The following UNC5B variants were observed in gnomAD, a reference collection of about 807,000 sequenced individuals.
UNC5B encodes unc-5 netrin receptor B.
UNC5B carries 56 observed loss-of-function variants against 103.7 expected under a neutral mutation model. That is an observed-to-expected ratio of 0.54 (90% CI 0.44 to 0.67). The LOEUF (loss-of-function observed/expected upper bound fraction) is 0.67, where lower values mean the gene tolerates loss of function less well. Among genes scored for constraint, UNC5B ranks in the 30% least tolerant of loss-of-function variants. The pLI is 0.00. For missense variants in UNC5B, 1,194 were observed against 1,284.5 expected, an observed-to-expected ratio of 0.93 and a Z score of 1.08; for synonymous variants, 577 against 542.0, an observed-to-expected ratio of 1.06 and a Z score of -0.90.
chr10:71,268,739 C>G (rs979240235), intron 1 of UNC5B, among the ~76,000 whole-genome samples: 7 of 152,200 alleles, frequency 4.6e-5, no homozygotes, highest in African/African-American at 1.7e-4. Flanking sequence ...TAACCCTGGG[C>G]TTTCAGGGCG....
In UNC5B at chr10:71,294,849, T is replaced by C. The variant is rs869454; in HGVS notation, c.2175+916T>C. Among the ~76,000 whole-genome samples, 474 of 152,208 alleles carry C rather than the reference T, an allele frequency of 3.1e-3. 1 individual carries two copies. Among genetic ancestry groups the C allele is most frequent in the African/African-American group, 0.011 (444 of 41,536 alleles). ...GCCCCGTGTTAGCACCACTGTCCCC[T>C]GCCAGCCTCAGAGCCCTTGTGCATT... On this transcript the variant is annotated intron_variant, in intron 13 of 16. Coordinates refer to ENST00000335350, the MANE Select transcript of UNC5B (RefSeq NM_170744.5).
intron 1 of UNC5B, among the ~76,000 whole-genome samples, chr10:71,247,372 G>T (rs1844060884): frequency 6.6e-6 from 1 of 152,202 alleles, no homozygotes; most frequent in Non-Finnish European, 1.5e-5. Context: ...ATGGCTGTAG[G>T]GAAGGCACTG....
intron 1 of UNC5B, among the ~76,000 whole-genome samples, chr10:71,257,689 T>A (rs1043302588): frequency 1.3e-5 from 2 of 152,196 alleles, no homozygotes; most frequent in Non-Finnish European, 2.9e-5. Context: ...GTTTGGAAGA[T>A]GTTTTCCATG....
chr10:71,269,349 C>CCCG lies in UNC5B; in HGVS notation c.80-10470_80-10469insGCC, dbSNP rs1391082154. On this transcript the variant is annotated intron_variant, in intron 1 of 16. Coordinates refer to ENST00000335350, the MANE Select transcript of UNC5B (RefSeq NM_170744.5). ...AAAGTTTAGAAAAATGAAGTCCCCC[C>CCCG]CCCACAACTTCTCCTTTCCTGGGAG... Among the ~76,000 whole-genome samples the CCCG allele has an allele frequency of 2.8e-5, 4 of 142,604 alleles. 1 individual carries two copies. The highest frequency in any genetic ancestry group is 2.5e-4 in the South Asian group (1 of 4,004). 93.6% of individuals were successfully genotyped at this position (142,604 alleles called of 152,430 possible).
At chr10:71,285,011 A>T (rs1320890242) in intron 3 of UNC5B, 148 bp downstream of exon 3, 1 of 1,221,848 alleles carries the variant, frequency 8.2e-7, no homozygotes, top group Non-Finnish European at 1.1e-6. Flanking sequence ...CATGGATGCC[A>T]GCTCAGAGAG....
chr10:71,298,125 C>T (rs1053211617), intron 16 of UNC5B, 35 bp downstream of exon 16: 2 of 1,554,596 alleles, frequency 1.3e-6, no homozygotes, highest in African/African-American at 2.7e-5. Flanking sequence ...TCCCCATCTG[C>T]CTTCGTCCTC....
rs1486674466 is a variant in UNC5B at position 71,299,013 on chromosome 10, G to A, written c.2673-99G>A. The A allele has an allele frequency of 6.6e-6, 10 of 1,505,468 alleles. No homozygotes were observed. In the East Asian group the frequency reaches 1.1e-4, roughly 17 times the overall value. 93.3% of individuals were successfully genotyped at this position (1,505,468 alleles called of 1,614,324 possible). ...AGACCCAGGACAGTGGGACACCAAA[G>A]CTCACAGCCTTCCCACTTCCCCTTG... On this transcript the variant is annotated intron_variant, in intron 16 of 16. Transcript: ENST00000335350.
At chr10:71,298,310 G>A (rs1272875477) in intron 16 of UNC5B, among the ~76,000 whole-genome samples, 1 of 152,202 alleles carries the variant, frequency 6.6e-6, no homozygotes, top group Non-Finnish European at 1.5e-5. Flanking sequence ...CCTTGAGCCA[G>A]GCAGACTCTC....
At chr10:71,248,324 C>T (rs144782971) in intron 1 of UNC5B, among the ~76,000 whole-genome samples, 316 of 152,256 alleles carry the variant, frequency 2.1e-3, no homozygotes, top group African/African-American at 7.3e-3. Flanking sequence ...GGAGCCTATA[C>T]GGCCAGGAGG....
intron 1 of UNC5B, among the ~76,000 whole-genome samples, chr10:71,219,959 GT>G (rs1843419571): frequency 6.6e-6 from 1 of 152,332 alleles, no homozygotes; most frequent in East Asian, 1.9e-4. Flanking sequence ...AGCTAGCTGG[GT>G]ATGTGGGCAG....
chr10:71,227,709 C>CATATATATACACATATATATACACACAT (rs1564707143), intron 1 of UNC5B, among the ~76,000 whole-genome samples: 2 of 50,684 alleles, frequency 3.9e-5, no homozygotes, highest in East Asian at 1.2e-3. Flanking sequence ...CACACATATA[C>CATATATATACACATATATATACACACAT]ACACACACAC....
In UNC5B at chr10:71,224,415, A is replaced by ACG. The variant is rs1554859608; in HGVS notation, c.79+11352_79+11353dup. On this transcript the variant is annotated intron_variant, in intron 1 of 16. Coordinates refer to ENST00000335350, the MANE Select transcript of UNC5B (RefSeq NM_170744.5). ...CACACACACACACACACACACACAC[A>ACG]CGAAATGACAGCAGAAAAAGCCCCA... Among the ~76,000 whole-genome samples the ACG allele has an allele frequency of 3.2e-3, 474 of 149,562 alleles. 3 individuals carry two copies. The highest frequency in any genetic ancestry group is 0.011 in the African/African-American group (450 of 40,184).
chr10:71,249,629 GGC>G (rs1294547383), intron 1 of UNC5B, among the ~76,000 whole-genome samples: 1 of 152,116 alleles, frequency 6.6e-6, no homozygotes, highest in African/African-American at 2.4e-5. Flanking sequence ...AGAGTCCCCT[GGC>G]ATGGTCCCTG....
rs1053050182 is a variant in UNC5B at position 71,213,673 on chromosome 10, A to G, written c.79+609A>G. Among the ~76,000 whole-genome samples the G allele has an allele frequency of 7.4e-6, 1 of 134,824 alleles. No individual in the cohort carries two copies. The highest frequency in any genetic ancestry group is 2.8e-5 in the African/African-American group (1 of 35,600). The allele number at this position is 134,824 out of a possible 152,430, so 88.4% of individuals were successfully genotyped here. ...AGATCGCTGGGCCCGCAGGTCTGGA[A>G]GAATTATTATTATTATTATTATTAT... On this transcript the variant is annotated intron_variant, in intron 1 of 16. Transcript: ENST00000335350. This position sits in a 1 kb window ranked among gnomAD's most constrained non-coding sequence, Gnocchi z 4.1.
chr10:71,239,017 C>T (rs1382673576), intron 1 of UNC5B, among the ~76,000 whole-genome samples: 4 of 152,074 alleles, frequency 2.6e-5, no homozygotes. Context: ...CCTGGTAACA[C>T]CCTGTTCATT....
intron 16 of UNC5B, 122 bp downstream of exon 16, chr10:71,298,212 C>A: frequency 8.6e-7 from 1 of 1,163,894 alleles, no homozygotes; most frequent in Non-Finnish European, 1.2e-6. Flanking sequence ...CTTTTGCCAC[C>A]ATTTGTGGCA....
chr10:71,297,563 C>T (rs1845473434), intron 15 of UNC5B, among the ~76,000 whole-genome samples: 1 of 152,270 alleles, frequency 6.6e-6, no homozygotes. Context: ...CATGAGCAAG[C>T]CACTCCCCTT....
intron 12 of UNC5B, 48 bp from the exon 13 acceptor site, chr10:71,293,652 C>T (rs781329596): frequency 5.6e-6 from 9 of 1,605,918 alleles, no homozygotes; most frequent in Non-Finnish European, 6.8e-6. Context: ...TCCTCTGGCC[C>T]AGCCTGAATA....
At chr10:71,269,683 T>C (rs770400638) in intron 1 of UNC5B, among the ~76,000 whole-genome samples, 1 of 151,880 alleles carries the variant, frequency 6.6e-6, no homozygotes, top group Non-Finnish European at 1.5e-5. Flanking sequence ...TCCCAGGCCC[T>C]CAAGGAACTT....
Sources: gnomAD v4.1 joint callset for allele counts (sites outside exome capture counted in the v4.1 genomes callset) on GRCh38, gnomAD v4.1.1 for gene constraint, Gnocchi (gnomAD v3.1) non-coding constraint, MANE v1.5 for transcripts, NCBI Gene and HGNC (gene_info 2026-07-23, HGNC 2026-07-21) for gene names.